The following ZC3H18 variants were observed in gnomAD, a reference collection of about 807,000 sequenced individuals.
ZC3H18 encodes zinc finger CCCH domain-containing protein 18.
A neutral mutation model predicts 106.1 loss-of-function variants in ZC3H18; 8 were observed. That is an observed-to-expected ratio of 0.08 (90% CI 0.04 to 0.14). The LOEUF (loss-of-function observed/expected upper bound fraction) is 0.14. Ranked by LOEUF, ZC3H18 falls within the 10% of genes least tolerant of loss-of-function variation. ZC3H18 has a pLI of 1.00. For missense variants in ZC3H18, 1,318 were observed against 1,278.4 expected (o/e 1.03, Z -0.47); for synonymous variants, 635 against 522.1 (o/e 1.22, Z -2.95).
intron 8 of ZC3H18, among the ~76,000 whole-genome samples, chr16:88,614,114 C>T (rs1905431776): frequency 6.6e-6 from 1 of 152,250 alleles, no homozygotes. Flanking sequence ...GTACTTCCAA[C>T]TCAGGGATGT....
At chr16:88,614,285 A>T (rs1246733434) in intron 8 of ZC3H18, among the ~76,000 whole-genome samples, 2 of 152,250 alleles carry the variant, frequency 1.3e-5, no homozygotes, top group African/African-American at 4.8e-5. Context: ...GAGACCTGGC[A>T]GCCATCAGGA....
At position 88,622,407 on chromosome 16, in the gene ZC3H18, A is replaced by G. The variant is rs1906022720; in HGVS notation, c.1667+19A>G. 2 of 1,585,414 alleles carry G rather than the reference A, an allele frequency of 1.3e-6. No homozygotes were observed. Among genetic ancestry groups the G allele is most frequent in the African/African-American group, 2.7e-5 (2 of 74,260 alleles). ...CCTCCAGGTAAGGAGGGCTCGTGGG[A>G]CGGCTGGGGTGTCAGCACCTTGGAG... On this transcript the variant is annotated intron_variant, in intron 9 of 17. Transcript: ENST00000301011.
At chr16:88,614,717 C>T (rs986811665) in intron 8 of ZC3H18, among the ~76,000 whole-genome samples, 8 of 152,254 alleles carry the variant, frequency 5.3e-5, no homozygotes, top group African/African-American at 1.7e-4. Flanking sequence ...GTCATCCAAA[C>T]GGGGAAACCG....
At chr16:88,599,141 GC>G (rs1325114123) in intron 5 of ZC3H18, among the ~76,000 whole-genome samples, 2 of 152,360 alleles carry the variant, frequency 1.3e-5, no homozygotes, top group East Asian at 3.9e-4. Context: ...ACCCCAGCTG[GC>G]ACTGCCCAGG....
At chr16:88,578,367 C>T (rs1389442834) in intron 2 of ZC3H18, among the ~76,000 whole-genome samples, 5 of 152,110 alleles carry the variant, frequency 3.3e-5, no homozygotes, top group Admixed American at 2.6e-4. Flanking sequence ...TATCTATGAT[C>T]CTAGGTATGG....
chr16:88,579,742 G>A (rs1319244771), intron 2 of ZC3H18, among the ~76,000 whole-genome samples: 1 of 152,160 alleles, frequency 6.6e-6, no homozygotes, highest in Non-Finnish European at 1.5e-5. Context: ...TGCTGCTGTG[G>A]AAACCCCAGC....
intron 8 of ZC3H18, among the ~76,000 whole-genome samples, chr16:88,612,145 G>A (rs1905307362): frequency 6.6e-6 from 1 of 152,204 alleles, no homozygotes; most frequent in Non-Finnish European, 1.5e-5. Flanking sequence ...TGGGGCTCAG[G>A]ACAGCCCTTT....
chr16:88,586,995 G>A (rs1365295652), intron 3 of ZC3H18, among the ~76,000 whole-genome samples: 1 of 152,210 alleles, frequency 6.6e-6, no homozygotes, highest in Non-Finnish European at 1.5e-5. Context: ...GATGGCATCA[G>A]TCATTTTTCA....
rs1448178542 is a variant in ZC3H18, at chr16:88,631,750, G to A, written c.*451G>A. Reference sequence around the variant, plus strand: ...TCTCCTCCCCCGCCCCTGATCACCCGCCCCCGGATCAGAAATATATCTATA... The same window carrying A: ...TCTCCTCCCCCGCCCCTGATCACCCACCCCCGGATCAGAAATATATCTATA... On this transcript the variant is annotated 3_prime_UTR_variant, in exon 18 of 18. Transcript: ENST00000301011. 5.5e-5 allele frequency: 20 copies of A among 366,152 alleles called. No individual in the cohort carries two copies. Among genetic ancestry groups the A allele is most frequent in the Non-Finnish European group, 8.0e-5 (15 of 186,786 alleles). The allele number at this position is 366,152 out of a possible 1,614,324, so 22.7% of individuals were successfully genotyped here. A position where few individuals can be genotyped will look rare whatever the true frequency, so the allele number is the denominator to read the frequency against.
At chr16:88,602,546 C>T (rs1389319496) in intron 6 of ZC3H18, among the ~76,000 whole-genome samples, 1 of 152,216 alleles carries the variant, frequency 6.6e-6, no homozygotes, top group Non-Finnish European at 1.5e-5. Context: ...GAGCCCAGGC[C>T]AGTGGTTTGT....
Position 88,611,385 on chromosome 16 carries a change from C to CGAGA in ZC3H18, c.1325_1326insAGAG (p.Asp443GlufsTer15). On this transcript the variant is annotated frameshift_variant, in exon 8 of 18. Coordinates refer to ENST00000301011, the MANE Select transcript of ZC3H18 (RefSeq NM_144604.4). LOFTEE classifies it high-confidence loss of function. ...GCGCGAGCGAGAGCGGGAGCGCGAG[C>CGAGA]GCGACAAGGAGCGGCAGCGGAGGAA... 8.9e-7 allele frequency: 1 copy of CGAGA among 1,128,804 alleles called. No individual in the cohort carries two copies. Among genetic ancestry groups the CGAGA allele is most frequent in the Non-Finnish European group, 1.3e-6 (1 of 761,570 alleles). 69.9% of individuals were successfully genotyped at this position (1,128,804 alleles called of 1,614,324 possible).
rs753621617 is a variant in ZC3H18, at chr16:88,623,323, C to T, written c.1772C>T (p.Ser591Leu). 1.2e-6 allele frequency: 2 copies of T among 1,613,700 alleles called. No individual in the cohort carries two copies. Among genetic ancestry groups the T allele is most frequent in the Non-Finnish European group, 1.7e-6 (2 of 1,179,962 alleles). Reference sequence around the variant, plus strand: ...TCCAGCCGCTCTTCCAGACACAGCTCGTTCTCAGGAAGCCGGTCCAGGTAT... The same window carrying T: ...TCCAGCCGCTCTTCCAGACACAGCTTGTTCTCAGGAAGCCGGTCCAGGTAT... ...SYSSRSSRHSSFSGSRSRSRS... is the reference protein window; with the variant it reads ...SYSSRSSRHSLFSGSRSRSRS... Residue 591 changes from serine (S) to leucine (L), a missense_variant, in exon 10 of 18, where the codon TCG becomes TTG. This residue lies in a region of ZC3H18 where 848 missense variants were observed against 821.7 expected (regional missense o/e 1.03). Transcript: ENST00000301011.
chr16:88,584,198 G>A (rs1445331007), intron 2 of ZC3H18, among the ~76,000 whole-genome samples: 1 of 152,150 alleles, frequency 6.6e-6, no homozygotes, highest in African/African-American at 2.4e-5. Context: ...AAGGCGGGCA[G>A]ATCACCTGAG....
At chr16:88,588,741 T>C (rs1915577183) in intron 3 of ZC3H18, among the ~76,000 whole-genome samples, 1 of 151,854 alleles carries the variant, frequency 6.6e-6, no homozygotes, top group South Asian at 2.1e-4. Flanking sequence ...TTAGCAGGGT[T>C]TGGTGGCACG....
At position 88,609,003 on chromosome 16, in the gene ZC3H18, G is replaced by A; in HGVS notation, c.1158G>A (p.Glu386=). 4 of 1,613,898 alleles carry A rather than the reference G, an allele frequency of 2.5e-6. No individual in the cohort carries two copies. The highest frequency in any genetic ancestry group is 1.7e-4 in the Middle Eastern group (1 of 6,060). ...IERFWRGGQY[E]NFRVQYTETE... is the part of the protein sequence containing the mutation. The stretch of plus-strand genomic sequence containing the variant: ...GGTTTTGGCGTGGCGGACAGTATGA[G>A]AATTTCAGGGTGCAGTATACAGAAA... Residue 386 remains glutamate (E), a synonymous_variant, in exon 7 of 18, where the codon GAG becomes GAA. Coordinates refer to ENST00000301011, the MANE Select transcript of ZC3H18 (RefSeq NM_144604.4).
intron 7 of ZC3H18, among the ~76,000 whole-genome samples, chr16:88,609,633 T>A (rs1011961862): frequency 6.6e-6 from 1 of 151,984 alleles, no homozygotes; most frequent in East Asian, 1.9e-4. Flanking sequence ...GGAGTTTAAC[T>A]CTGTCACCCA....
chr16:88,578,360 C>T (rs1469636691), intron 2 of ZC3H18, among the ~76,000 whole-genome samples: 2 of 152,134 alleles, frequency 1.3e-5, no homozygotes, highest in African/African-American at 2.4e-5. Context: ...GTAGTACTAT[C>T]TATGATCCTA....
intron 8 of ZC3H18, among the ~76,000 whole-genome samples, chr16:88,612,768 G>A (rs181989357): frequency 1.2e-4 from 18 of 152,174 alleles, no homozygotes; most frequent in African/African-American, 3.6e-4. Flanking sequence ...TTGGGCGGCC[G>A]GGATGGACAG....
In ZC3H18 at chr16:88,599,915, A is replaced by G. The variant is rs1266974112; in HGVS notation, c.1055A>G (p.Asn352Ser). ...GAAAATGAAGTTTTTCGAGATTGGAATTCTCGGATCCCGAGAGATGTCAGA... is the reference window on the plus strand; with the variant it reads ...GAAAATGAAGTTTTTCGAGATTGGAGTTCTCGGATCCCGAGAGATGTCAGA... ...DKENEVFRDWNSRIPRDVRDT... is the reference protein window; with the variant it reads ...DKENEVFRDWSSRIPRDVRDT... Residue 352 changes from asparagine to serine, a missense_variant, in exon 6 of 18, where the codon AAT becomes AGT. Coordinates refer to ENST00000301011, the MANE Select transcript of ZC3H18 (RefSeq NM_144604.4). 1.2e-6 allele frequency: 2 copies of G among 1,614,226 alleles called. No individual in the cohort carries two copies. The highest frequency in any genetic ancestry group is 3.3e-5 in the Admixed American group (2 of 60,030).
Sources: allele counts gnomAD v4.1 joint callset (sites outside exome capture counted in the v4.1 genomes callset), GRCh38; gene constraint gnomAD v4.1.1; regional missense constraint gnomAD v4.1.1; transcripts MANE v1.5; gene names NCBI Gene and HGNC (gene_info 2026-07-23, HGNC 2026-07-21).